Variants in MAFK observed in about 807,000 individuals in gnomAD.
MAFK encodes transcription factor MafK.
Under a neutral mutation model 9.2 loss-of-function variants are expected in MAFK, and 1 was observed. That is an observed-to-expected ratio of 0.11 (90% CI 0.04 to 0.52). The LOEUF (loss-of-function observed/expected upper bound fraction) is 0.52, where lower values mean the gene tolerates loss of function less well. Among genes scored for constraint, MAFK ranks in the 20% least tolerant of loss-of-function variants. The pLI, the probability that MAFK is intolerant of heterozygous loss-of-function variation, is 0.94. For missense variants in MAFK, 207 were observed against 236.0 expected, an observed-to-expected ratio of 0.88 and a Z score of 0.81; for synonymous variants, 110 against 107.4, an observed-to-expected ratio of 1.02 and a Z score of -0.15.
chr7:1,537,886 G>A (rs758416082), intron 1 of MAFK: 4 of 175,810 alleles, frequency 2.3e-5, no homozygotes, highest in Non-Finnish European at 4.5e-5. Flanking sequence ...CAGTGGAGGT[G>A]CTGACCAAGG....
chr7:1,536,931 C>T (rs1010428429), intron 1 of MAFK, among the ~76,000 whole-genome samples: 2 of 152,178 alleles, frequency 1.3e-5, no homozygotes, highest in African/African-American at 4.8e-5. Context: ...AGCGTGGGGG[C>T]CGCCTGGGAG....
At position 1,540,347 on chromosome 7, in the gene MAFK, C is replaced by T; in HGVS notation, c.443C>T (p.Thr148Ile). The T allele has an allele frequency of 6.2e-7, 1 of 1,603,094 alleles. No homozygotes were observed. Among genetic ancestry groups the T allele is most frequent in the Middle Eastern group, 1.7e-4 (1 of 6,034 alleles). ...TIVKSTELSSTSVPFSAAS is the reference protein window; with the variant it reads ...TIVKSTELSSISVPFSAAS Reference sequence around the variant, plus strand: ...GTCAAGTCCACCGAGCTCTCCTCCACCTCCGTGCCCTTCTCGGCTGCATCC... The same window carrying T: ...GTCAAGTCCACCGAGCTCTCCTCCATCTCCGTGCCCTTCTCGGCTGCATCC... Residue 148 changes from threonine (T) to isoleucine (I), a missense_variant, in exon 3 of 3, where the codon ACC (threonine) becomes ATC (isoleucine). Thr to Ile is a moderately conservative substitution (Grantham distance 89). Coordinates refer to ENST00000343242, the MANE Select transcript of MAFK (RefSeq NM_002360.4).
chr7:1,531,660 G>C (rs1783909152), intron 1 of MAFK, among the ~76,000 whole-genome samples: 1 of 151,302 alleles, frequency 6.6e-6, no homozygotes, highest in African/African-American at 2.5e-5. Context: ...GTCAAGTTCA[G>C]GAAACTGTGT....
At chr7:1,537,649 C>T (rs754319337) in intron 1 of MAFK, 57 of 985,478 alleles carry the variant, frequency 5.8e-5, no homozygotes, top group Non-Finnish European at 6.6e-5. Context: ...GATCAGCTGG[C>T]CTTGGCAGGG....
chr7:1,540,661 G>A lies in MAFK; in HGVS notation c.*286G>A, dbSNP rs552496312. 5.6e-5 allele frequency: 25 copies of A among 444,040 alleles called. No individual in the cohort carries two copies. The highest frequency in any genetic ancestry group is 8.3e-5 in the Admixed American group (2 of 23,966). 27.5% of individuals were successfully genotyped at this position (444,040 alleles called of 1,614,324 possible). On this transcript the variant is annotated 3_prime_UTR_variant, in exon 3 of 3. Transcript: ENST00000343242. ...TTGGTATCTTGCACCCGTGGGAGTC[G>A]GGACATATAATGGAAAGGCCCTCGG...
chr7:1,535,769 G>T lies in MAFK; in HGVS notation c.-44-3380G>T, dbSNP rs766548783. 2.6e-5 allele frequency among the ~76,000 whole-genome samples: 4 copies of T among 152,320 alleles called. No individual in the cohort carries two copies. The East Asian group carries it at 7.7e-4, about 29-fold the overall frequency. On this transcript the variant is annotated intron_variant, in intron 1 of 2. Transcript: ENST00000343242. ...GACCCTGGGCTGCCTGCCCTGCCGGGGGGAGCCCAGGGCTCTGATCCTCAC... is the reference window on the plus strand; with the variant it reads ...GACCCTGGGCTGCCTGCCCTGCCGGTGGGAGCCCAGGGCTCTGATCCTCAC...
Position 1,540,537 on chromosome 7 carries a change from G to A in MAFK, c.*162G>A. 2.7e-6 allele frequency: 2 copies of A among 743,982 alleles called. No individual in the cohort carries two copies. The highest frequency in any genetic ancestry group is 4.2e-6 in the Non-Finnish European group (2 of 475,794). The allele number at this position is 743,982 out of a possible 1,614,324, so 46.1% of individuals were successfully genotyped here. ...CACCAGGAAGAGACTGTATTGCAGGGTGAAGAGTGGGCTCCCGTGGGCCCA... is the reference window on the plus strand; with the variant it reads ...CACCAGGAAGAGACTGTATTGCAGGATGAAGAGTGGGCTCCCGTGGGCCCA... On this transcript the variant is annotated 3_prime_UTR_variant, in exon 3 of 3. Coordinates refer to ENST00000343242, the MANE Select transcript of MAFK (RefSeq NM_002360.4).
Position 1,540,251 on chromosome 7 carries a change from C to G in MAFK, c.347C>G (p.Thr116Ser). ...ALRSKYEALQ[T>S]FARTVARGPV... ...CGCTCCAAGTACGAGGCGCTGCAGA[C>G]CTTCGCGCGCACCGTGGCCCGGGGA... The change falls in exon 3 of 3, where the codon ACC becomes AGC. Residue 116 changes from threonine to serine, a missense_variant. Physicochemically the swap from Thr to Ser is moderately conservative, Grantham distance 58 (BLOSUM62 1). Transcript: ENST00000343242. 6.2e-7 allele frequency: 1 copy of G among 1,609,288 alleles called. No homozygotes were observed. Among genetic ancestry groups the G allele is most frequent in the Non-Finnish European group, 8.5e-7 (1 of 1,178,548 alleles).
At chr7:1,539,609 G>A (rs185261923) in intron 2 of MAFK, among the ~76,000 whole-genome samples, 8 of 152,354 alleles carry the variant, frequency 5.3e-5, no homozygotes, top group East Asian at 1.9e-4. Flanking sequence ...GGCGCTTGCC[G>A]CCTCCACAAT....
rs1292136700 is a variant in MAFK at position 1,534,670 on chromosome 7, A to G, written c.-45+3772A>G. The stretch of plus-strand genomic sequence containing the variant: ...CTTGGTCAGACTGGCTGGGCAGCTG[A>G]GGGGGTGGGGCATGGAGTCTGTGTC... On this transcript the variant is annotated intron_variant, in intron 1 of 2. Coordinates refer to ENST00000343242, the MANE Select transcript of MAFK (RefSeq NM_002360.4). This position sits in a 1 kb window ranked among gnomAD's most constrained non-coding sequence, Gnocchi z 4.3. 2.2e-6 allele frequency: 1 copy of G among 455,804 alleles called. No individual in the cohort carries two copies. 28.2% of individuals were successfully genotyped at this position (455,804 alleles called of 1,614,324 possible). A position where few individuals can be genotyped will look rare whatever the true frequency, so the allele number is the denominator to read the frequency against.
rs902176985 is a variant in MAFK at position 1,541,753 on chromosome 7, G to C, written c.*1378G>C. On this transcript the variant is annotated 3_prime_UTR_variant, in exon 3 of 3. Transcript: ENST00000343242. ...TTCCAAGAGCACTGAGGCACCAGTG[G>C]GCTTGGCACTCCACCTTGGGCTTCC... The C allele has an allele frequency of 6.6e-6, 1 of 152,270 alleles. No homozygotes were observed. The highest frequency in any genetic ancestry group is 1.5e-5 in the Non-Finnish European group (1 of 68,110). 9.4% of individuals were successfully genotyped at this position (152,270 alleles called of 1,614,324 possible). A position where few individuals can be genotyped will look rare whatever the true frequency, so the allele number is the denominator to read the frequency against.
At chr7:1,539,738 T>A (rs1336134182) in intron 2 of MAFK, among the ~76,000 whole-genome samples, 2 of 152,164 alleles carry the variant, frequency 1.3e-5, no homozygotes, top group Non-Finnish European at 2.9e-5. Flanking sequence ...CTTTTCCCGT[T>A]CAGAAAGGGT....
At chr7:1,537,490 G>T in intron 1 of MAFK, 1 of 985,556 alleles carries the variant, frequency 1.0e-6, no homozygotes, top group Non-Finnish European at 1.2e-6. Context: ...GCCGGCATTT[G>T]CAGGTCCCCA....
chr7:1,537,975 T>C (rs1259554801), intron 1 of MAFK: 2 of 154,980 alleles, frequency 1.3e-5, no homozygotes, highest in African/African-American at 4.8e-5. Flanking sequence ...GAGTGGGTGC[T>C]GTGAACCCCT....
rs1359565202 is a variant in MAFK at position 1,533,332 on chromosome 7, G to A, written c.-45+2434G>A. ...ACAGCGGGGGCTAGTGTGGGGTGTA[G>A]GGAAGACCTTCTCCCTGCTTGCAAG... On this transcript the variant is annotated intron_variant, in intron 1 of 2. Transcript: ENST00000343242. Among the ~76,000 whole-genome samples the A allele has an allele frequency of 2.0e-5, 3 of 152,356 alleles. No individual in the cohort carries two copies. The East Asian group carries it at 5.8e-4, about 29-fold the overall frequency.
rs542085711 is a variant in MAFK at position 1,532,021 on chromosome 7, C to T, written c.-45+1123C>T. Among the ~76,000 whole-genome samples the T allele has an allele frequency of 3.9e-5, 6 of 152,350 alleles. No homozygotes were observed. The East Asian group carries it at 1.2e-3, about 29-fold the overall frequency. Reference sequence around the variant, plus strand: ...GCCAATCTCTGGCCAGGTGCCTGGCCTTGGGAAGATCCTGAGACTCAAAAC... The same window carrying T: ...GCCAATCTCTGGCCAGGTGCCTGGCTTTGGGAAGATCCTGAGACTCAAAAC... On this transcript the variant is annotated intron_variant, in intron 1 of 2. Transcript: ENST00000343242. This position sits in a 1 kb window ranked among gnomAD's most constrained non-coding sequence, Gnocchi z 4.5.
At position 1,542,586 on chromosome 7, in the gene MAFK, C is replaced by T. The variant is rs1017034429; in HGVS notation, c.*2211C>T. On this transcript the variant is annotated 3_prime_UTR_variant, in exon 3 of 3. Transcript: ENST00000343242. ...CCAGGGTGGACGGAGCCGCTGTCACCGCCCAGAGCTGGGCCGGGGAAGCAC... is the reference window on the plus strand; with the variant it reads ...CCAGGGTGGACGGAGCCGCTGTCACTGCCCAGAGCTGGGCCGGGGAAGCAC... 1 of 152,304 alleles carries T rather than the reference C, an allele frequency of 6.6e-6. No individual in the cohort carries two copies. Among genetic ancestry groups the T allele is most frequent in the Non-Finnish European group, 1.5e-5 (1 of 68,056 alleles). 9.4% of individuals were successfully genotyped at this position (152,304 alleles called of 1,614,324 possible).
rs938272072 is a variant in MAFK at position 1,538,262 on chromosome 7, C to T, written c.-44-887C>T. 7.1e-6 allele frequency: 7 copies of T among 984,692 alleles called. No individual in the cohort carries two copies. The Admixed American group carries it at 1.8e-4, about 26-fold the overall frequency. The allele number at this position is 984,692 out of a possible 1,614,324, so 61.0% of individuals were successfully genotyped here. A position where few individuals can be genotyped will look rare whatever the true frequency, so the allele number is the denominator to read the frequency against. On this transcript the variant is annotated intron_variant, in intron 1 of 2. Transcript: ENST00000343242. ...AATGCAGACGTGAGGACGGCGGGGG[C>T]GGCGGCGGGGACGACTCCCGCCAGA...
rs1783885312 is a variant in MAFK at position 1,530,844 on chromosome 7, A to C, written c.-99A>C. The C allele has an allele frequency of 7.2e-6, 1 of 138,328 alleles. No homozygotes were observed. The highest frequency in any genetic ancestry group is 1.6e-5 in the Non-Finnish European group (1 of 63,294). 8.6% of individuals were successfully genotyped at this position (138,328 alleles called of 1,614,324 possible). On this transcript the variant is annotated 5_prime_UTR_variant, in exon 1 of 3. Transcript: ENST00000343242. ...CGCGACAGTGAGCGCCGGCGCGAGGACAGCGCGTGCCCGCGAGGAGCCGCC... is the reference window on the plus strand; with the variant it reads ...CGCGACAGTGAGCGCCGGCGCGAGGCCAGCGCGTGCCCGCGAGGAGCCGCC...
Sources: gnomAD v4.1 joint callset for allele counts (sites outside exome capture counted in the v4.1 genomes callset) on GRCh38, gnomAD v4.1.1 for gene constraint, Gnocchi (gnomAD v3.1) non-coding constraint, MANE v1.5 for transcripts, NCBI Gene and HGNC (gene_info 2026-07-23, HGNC 2026-07-21) for gene names.